Variants in NPC1L1 observed in about 807,000 individuals in gnomAD.
The protein encoded by NPC1L1 is NPC1-like intracellular cholesterol transporter 1.
Under a neutral mutation model 117.0 loss-of-function variants are expected in NPC1L1, and 98 were observed. That is an observed-to-expected ratio of 0.84 (90% CI 0.71 to 0.99). The LOEUF is 0.99. NPC1L1 is among the 50% of genes least tolerant of loss of function. The probability of loss-of-function intolerance (pLI) is 0.00; values close to 1 mark genes in which losing one functional copy is unlikely to be tolerated. For synonymous variants in NPC1L1, 729 were observed against 727.6 expected (o/e 1.00, Z -0.03); for missense variants, 1,540 against 1,710.0 (o/e 0.90, Z 1.75).
At position 44,540,075 on chromosome 7, in the gene NPC1L1, C is replaced by A. The variant is rs1328897466; in HGVS notation, c.322G>T (p.Ala108Ser). 6.2e-7 allele frequency: 1 copy of A among 1,614,156 alleles called. No individual in the cohort carries two copies. Among genetic ancestry groups the A allele is most frequent in the African/African-American group, 1.3e-5 (1 of 75,026 alleles). Residue 108 changes from alanine (A) to serine (S), a missense_variant, in exon 2 of 19, where the codon GCC becomes TCC. Ala to Ser is a moderately conservative substitution (Grantham distance 99, BLOSUM62 1). This residue lies in a region of NPC1L1 where 793 missense variants were observed against 820.4 expected (regional missense o/e 0.97). Coordinates refer to ENST00000381160, the MANE Select transcript of NPC1L1 (RefSeq NM_001101648.2). ...CAGGCTGGGCAGCGGGTGAGGAGGG[C>A]CTTGGTGATCGACAGACTCGCTTCC... ...SLEASLSITKALLTRCPACSD... is the reference protein window; with the variant it reads ...SLEASLSITKSLLTRCPACSD...
At chr7:44,530,123 A>C (rs1047076132) in intron 10 of NPC1L1, among the ~76,000 whole-genome samples, 5 of 151,828 alleles carry the variant, frequency 3.3e-5, no homozygotes, top group Non-Finnish European at 5.9e-5. Context: ...GGATCACCTG[A>C]GGTCAGAAGT....
rs1177132106 is a variant in NPC1L1 at position 44,534,945 on chromosome 7, GC to G, written c.1984-317del. Among the ~76,000 whole-genome samples the G allele has an allele frequency of 3.3e-5, 5 of 152,148 alleles. No individual in the cohort carries two copies. The highest frequency in any genetic ancestry group is 1.2e-4 in the African/African-American group (5 of 41,432). On this transcript the variant is annotated intron_variant, in intron 5 of 18. Transcript: ENST00000381160. The surrounding 1 kb of genome is among the most constrained non-coding windows in gnomAD (Gnocchi z 5.2). ...TATGGCATGTAACAGACAGAAAACT[GC>G]TCTTAGGCCAGGTGTGCTGGCTCAC...
chr7:44,517,024 G>T, intron 15 of NPC1L1, 90 bp from the exon 16 acceptor site: 2 of 1,453,190 alleles, frequency 1.4e-6, no homozygotes, highest in Non-Finnish European at 1.9e-6. Context: ...GAATGCTGAG[G>T]GTCAGGCAGG....
intron 5 of NPC1L1, among the ~76,000 whole-genome samples, chr7:44,535,364 CAAA>C (rs1203907892): frequency 4.2e-5 from 5 of 120,414 alleles, no homozygotes; most frequent in African/African-American, 9.4e-5. Flanking sequence ...AGCTCTGTCT[CAAA>C]AAAAAAAAAA....
chr7:44,525,121 A>T (rs1366253274), intron 10 of NPC1L1, among the ~76,000 whole-genome samples: 1 of 152,186 alleles, frequency 6.6e-6, no homozygotes, highest in Non-Finnish European at 1.5e-5. Flanking sequence ...TCCAGAAGAA[A>T]AGAGAAAGGG....
chr7:44,527,841 T>C (rs182539796), intron 10 of NPC1L1, among the ~76,000 whole-genome samples: 20 of 152,344 alleles, frequency 1.3e-4, no homozygotes, highest in African/African-American at 3.4e-4. Context: ...ACAAAAGTTT[T>C]TGAGACATAG....
At position 44,534,767 on chromosome 7, in the gene NPC1L1, G is replaced by A. The variant is rs567875813; in HGVS notation, c.1984-138C>T. On this transcript the variant is annotated intron_variant, in intron 5 of 18. Transcript: ENST00000381160. This position sits in a 1 kb window ranked among gnomAD's most constrained non-coding sequence, Gnocchi z 5.2. ...GCCCGATACTGCCCCCAGTGGTGAG[G>A]AGCTCACATCTCACATTAAAGCCCC... 227 of 818,876 alleles carry A rather than the reference G, an allele frequency of 2.8e-4. No homozygotes were observed. The highest frequency in any genetic ancestry group is 3.6e-4 in the Non-Finnish European group (186 of 519,104). The allele number at this position is 818,876 out of a possible 1,614,324, so 50.7% of individuals were successfully genotyped here. A position where few individuals can be genotyped will look rare whatever the true frequency, so the allele number is the denominator to read the frequency against.
rs751466741 is a variant in NPC1L1 at position 44,536,356 on chromosome 7, C to A, written c.1754G>T (p.Arg585Leu). The change falls in exon 4 of 19, where the codon CGT (arginine) becomes CTT (leucine). Residue 585 changes from arginine (R) to leucine (L), a missense_variant. Arg to Leu is a moderately radical substitution (Grantham distance 102). Transcript: ENST00000381160. The surrounding 1 kb of genome is among the most constrained non-coding windows in gnomAD (Gnocchi z 4.7). Reference sequence around the variant, plus strand: ...CTCCCACAGCTTGGCCTGGGCCAGACGGGGGTCCCCGGCAGGGTAATTGTT... The same window carrying A: ...CTCCCACAGCTTGGCCTGGGCCAGAAGGGGGTCCCCGGCAGGGTAATTGTT... ...SLNNYPAGDPRLAQAKLWEEA... is the reference protein window; with the variant it reads ...SLNNYPAGDPLLAQAKLWEEA... The A allele has an allele frequency of 6.2e-7, 1 of 1,614,216 alleles. No homozygotes were observed. The highest frequency in any genetic ancestry group is 2.2e-5 in the East Asian group (1 of 44,886).
intron 1 of NPC1L1, 45 bp from the exon 2 acceptor site, chr7:44,540,387 G>A (rs746338325): frequency 2.5e-6 from 4 of 1,570,638 alleles, no homozygotes; most frequent in Non-Finnish European, 2.6e-6. Context: ...ACACAGCTGG[G>A]TGCCATCCAG....
At chr7:44,522,458 T>C (rs1341561312) in intron 10 of NPC1L1, among the ~76,000 whole-genome samples, 2 of 151,990 alleles carry the variant, frequency 1.3e-5, no homozygotes, top group African/African-American at 4.8e-5. Flanking sequence ...CTCAGAGATA[T>C]ACACGTAGAT....
In NPC1L1 at chr7:44,534,422, G is replaced by A; in HGVS notation, c.2166+25C>T. ...TTGGGAGAAGAGTGGGCAGTTGGGG[G>A]TGTGGAGAGCTCCTCCCTTCTTACC... On this transcript the variant is annotated intron_variant, in intron 6 of 18. Transcript: ENST00000381160. The surrounding 1 kb of genome is among the most constrained non-coding windows in gnomAD (Gnocchi z 5.2). 3 of 1,612,846 alleles carry A rather than the reference G, an allele frequency of 1.9e-6. No individual in the cohort carries two copies. Among genetic ancestry groups the A allele is most frequent in the Non-Finnish European group, 1.7e-6 (2 of 1,178,850 alleles).
intron 18 of NPC1L1, among the ~76,000 whole-genome samples, chr7:44,514,284 C>T (rs1431192910): frequency 2.0e-5 from 3 of 152,200 alleles, no homozygotes. Flanking sequence ...CACCTTCATC[C>T]TGGGAGGCTC....
At position 44,535,953 on chromosome 7, in the gene NPC1L1, C is replaced by G; in HGVS notation, c.1870G>C (p.Glu624Gln). 1.2e-6 allele frequency: 2 copies of G among 1,613,238 alleles called. No individual in the cohort carries two copies. Among genetic ancestry groups the G allele is most frequent in the Non-Finnish European group, 1.7e-6 (2 of 1,180,024 alleles). ...TFMAERSLEDEINRTTAEDLP... is the reference protein window; with the variant it reads ...TFMAERSLEDQINRTTAEDLP... Reference sequence around the variant, plus strand: ...TCTTCAGCTGTGGTGCGATTGATCTCGTCTTCCAGAGAGCGCTGTGGACAC... The same window carrying G: ...TCTTCAGCTGTGGTGCGATTGATCTGGTCTTCCAGAGAGCGCTGTGGACAC... Residue 624 changes from glutamate (E) to glutamine (Q), a missense_variant, in exon 5 of 19, where the codon GAG becomes CAG. Physicochemically the swap from Glu to Gln is conservative, Grantham distance 29 (BLOSUM62 2). Transcript: ENST00000381160.
Position 44,538,023 on chromosome 7 carries a change from G to A in NPC1L1, c.1580+794C>T, listed in dbSNP as rs73107473. Among the ~76,000 whole-genome samples, 18,001 of 152,242 alleles carry A rather than the reference G, an allele frequency of 0.12. 1,394 individuals carry two copies. Among genetic ancestry groups the A allele is most frequent in the Non-Finnish European group, 0.17 (11,463 of 68,010 alleles). On this transcript the variant is annotated intron_variant, in intron 2 of 18. Coordinates refer to ENST00000381160, the MANE Select transcript of NPC1L1 (RefSeq NM_001101648.2). This position sits in a 1 kb window ranked among gnomAD's most constrained non-coding sequence, Gnocchi z 5.9. The stretch of plus-strand genomic sequence containing the variant: ...AAAGTGTGGCCTGGGGCCCTTAGGC[G>A]TCCTGGAGACCCTTTCCAGGGTCTG...
chr7:44,532,323 G>A, intron 8 of NPC1L1, 106 bp from the exon 9 acceptor site: 1 of 1,332,284 alleles, frequency 7.5e-7, no homozygotes, highest in Non-Finnish European at 1.1e-6. Flanking sequence ...GCCCGTGCCA[G>A]TGCCCTCATG....
intron 14 of NPC1L1, among the ~76,000 whole-genome samples, chr7:44,519,407 T>G (rs563755011): frequency 2.6e-3 from 390 of 152,234 alleles, no homozygotes; most frequent in Non-Finnish European, 3.8e-3. Context: ...TCCACTCCCA[T>G]CTGTCCACAC....
At position 44,540,272 on chromosome 7, in the gene NPC1L1, T is replaced by C. The variant is rs1053780358; in HGVS notation, c.125A>G (p.Asn42Ser). The C allele has an allele frequency of 1.2e-6, 2 of 1,613,756 alleles. No individual in the cohort carries two copies. The highest frequency in any genetic ancestry group is 2.7e-5 in the African/African-American group (2 of 74,810). The change falls in exon 2 of 19, where the codon AAC (asparagine) becomes AGC (serine). Residue 42 changes from asparagine to serine, a missense_variant. Physicochemically the swap from Asn to Ser is conservative, Grantham distance 46 (BLOSUM62 1). Around this residue, in one of 3 missense-constraint regions of NPC1L1, gnomAD observed 793 missense variants for 820.4 expected, o/e 0.97. Coordinates refer to ENST00000381160, the MANE Select transcript of NPC1L1 (RefSeq NM_001101648.2). Reference protein sequence around the residue: ...YCAFYDECGKNPELSGSLMTL... With the variant: ...YCAFYDECGKSPELSGSLMTL... ...CATGAGGCTTCCAGACAGCTCTGGG[T>C]TCTTCCCACATTCGTCATAGAAGGC...
rs533828920 is a variant in NPC1L1, at chr7:44,538,900, C to T, written c.1497G>A (p.Thr499=). ...TCTGGTTGGCTGTGAGCAGCAGGAG[C>T]GTGCGGTTGTTCTGGAAATACTGCA... ...SLLQYFQNNR[T]LLLLTANQTL... is the part of the protein sequence containing the mutation. Residue 499 remains threonine (T), a synonymous_variant, in exon 2 of 19, where the codon ACG becomes ACA. Transcript: ENST00000381160. The surrounding 1 kb of genome is among the most constrained non-coding windows in gnomAD (Gnocchi z 5.9). 303 of 1,614,168 alleles carry T rather than the reference C, an allele frequency of 1.9e-4. 4 individuals are homozygous for T. In the South Asian group the frequency reaches 2.9e-3, roughly 16 times the overall value.
rs375213539 is a variant in NPC1L1, at chr7:44,518,890, G to T, written c.3137-1533C>A. ...GCCCAGCCCAGCCCAGCAATTCGGG[G>T]TCTGCAAAGTCTTGGGTGAGGGCTG... On this transcript the variant is annotated intron_variant, in intron 14 of 18. Coordinates refer to ENST00000381160, the MANE Select transcript of NPC1L1 (RefSeq NM_001101648.2). Among the ~76,000 whole-genome samples the T allele has an allele frequency of 6.0e-4, 92 of 152,228 alleles. No individual in the cohort carries two copies. The South Asian group carries it at 0.018, about 30-fold the overall frequency.
Sources: allele counts gnomAD v4.1 joint callset (sites outside exome capture counted in the v4.1 genomes callset), GRCh38; gene constraint gnomAD v4.1.1; regional missense constraint gnomAD v4.1.1; non-coding constraint Gnocchi (gnomAD v3.1); transcripts MANE v1.5; gene names NCBI Gene and HGNC (gene_info 2026-07-23, HGNC 2026-07-21).